Variants in FOCAD observed in about 807,000 individuals in gnomAD.
The protein encoded by FOCAD is KIAA1797.
Under a neutral mutation model 225.6 loss-of-function variants are expected in FOCAD, and 198 were observed. The observed-to-expected ratio is 0.88, with a 90% CI of 0.78 to 0.99. The LOEUF (loss-of-function observed/expected upper bound fraction) is 0.99, where lower values mean the gene tolerates loss of function less well. Ranked by LOEUF, FOCAD falls within the 50% of genes least tolerant of loss-of-function variation. The pLI, the probability that FOCAD is intolerant of heterozygous loss-of-function variation, is 0.00. For missense variants in FOCAD, 2,713 were observed against 2,123.6 expected (o/e 1.28, Z -5.46); for synonymous variants, 897 against 755.0 (o/e 1.19, Z -3.08).
At position 20,917,775 on chromosome 9, in the gene FOCAD, C is replaced by T. The variant is rs117906008; in HGVS notation, c.2852+838C>T. Among the ~76,000 whole-genome samples the T allele has an allele frequency of 4.0e-3, 616 of 152,240 alleles. 5 individuals carry two copies. The highest frequency in any genetic ancestry group is 6.1e-3 in the Non-Finnish European group (416 of 68,012). ...TTTCATGTCACAAAACCTTCTGTAGCTAAATAGATTTTGCCTTAAAAACAG... is the reference window on the plus strand; with the variant it reads ...TTTCATGTCACAAAACCTTCTGTAGTTAAATAGATTTTGCCTTAAAAACAG... On this transcript the variant is annotated intron_variant, in intron 24 of 43. Coordinates refer to ENST00000338382, the MANE Select transcript of FOCAD (RefSeq NM_001375567.1).
intron 15 of FOCAD, among the ~76,000 whole-genome samples, chr9:20,841,502 T>C (rs1310859779): frequency 6.6e-6 from 1 of 151,890 alleles, no homozygotes; most frequent in Non-Finnish European, 1.5e-5. Flanking sequence ...GGTATGTGTC[T>C]AAGAATTTAT....
chr9:20,987,740 C>G (rs1034683470), intron 40 of FOCAD, among the ~76,000 whole-genome samples: 1 of 152,156 alleles, frequency 6.6e-6, no homozygotes, highest in Non-Finnish European at 1.5e-5. Context: ...TTGGTTCCAA[C>G]CAGAACCAGC....
chr9:20,822,968 T>C (rs1824485497), intron 14 of FOCAD, 21 bp from the exon 15 acceptor site: 1 of 1,562,024 alleles, frequency 6.4e-7, no homozygotes, highest in Admixed American at 2.1e-5. Flanking sequence ...AATTTTGCTT[T>C]TAAACTTTCA....
intron 7 of FOCAD, among the ~76,000 whole-genome samples, chr9:20,767,093 C>T (rs558559013): frequency 0.022 from 3,252 of 150,216 alleles, 132 homozygotes; most frequent in African/African-American, 0.073. Context: ...TTTGTTCTTG[C>T]GATAGTTTAC....
intron 15 of FOCAD, among the ~76,000 whole-genome samples, chr9:20,852,240 T>G (rs575926486): frequency 1.6e-4 from 25 of 151,934 alleles, no homozygotes; most frequent in Middle Eastern, 3.4e-3. Context: ...CTAAAAAGTT[T>G]CCTTTTTCTT....
chr9:20,848,806 G>A lies in FOCAD; in HGVS notation c.1921-13772G>A, dbSNP rs1827369384. On this transcript the variant is annotated intron_variant, in intron 15 of 43. Transcript: ENST00000338382. ...CACTTTTGACATCTAATTGAATGAA[G>A]ACATGGCTGTACTGTAGTTTATGAA... 4.0e-5 allele frequency among the ~76,000 whole-genome samples: 6 copies of A among 151,868 alleles called. No homozygotes were observed. In the South Asian group the frequency reaches 1.0e-3, roughly 26 times the overall value.
chr9:20,856,567 T>C (rs13293139), intron 15 of FOCAD, among the ~76,000 whole-genome samples: 31,360 of 152,000 alleles, frequency 0.21, 3,694 homozygotes, highest in South Asian at 0.33. Context: ...ATTGTTTCCT[T>C]TGCTGTGCAG....
At chr9:20,950,176 G>T (rs1432059512) in intron 33 of FOCAD, among the ~76,000 whole-genome samples, 1 of 151,932 alleles carries the variant, frequency 6.6e-6, no homozygotes, top group South Asian at 2.1e-4. Context: ...AAATTTGAAA[G>T]CACGTAATGA....
In FOCAD at chr9:20,822,658, A is replaced by T. The variant is rs1248040269; in HGVS notation, c.1794-331A>T. Among the ~76,000 whole-genome samples the T allele has an allele frequency of 2.0e-5, 3 of 152,038 alleles. 1 individual carries two copies. Among genetic ancestry groups the T allele is most frequent in the African/African-American group, 7.2e-5 (3 of 41,406 alleles). ...GGCCAGAATAGCTCTATCTTTACTA[A>T]TCTCAATTAGGTAATTCAGTTCTTT... On this transcript the variant is annotated intron_variant, in intron 14 of 43. Transcript: ENST00000338382.
rs895293348 is a variant in FOCAD, at chr9:20,951,186, C to G, written c.4051+88C>G. 1.9e-5 allele frequency: 19 copies of G among 975,346 alleles called. No individual in the cohort carries two copies. The African/African-American group carries it at 2.7e-4, about 14-fold the overall frequency. The allele number at this position is 975,346 out of a possible 1,614,324, so 60.4% of individuals were successfully genotyped here. A position where few individuals can be genotyped will look rare whatever the true frequency, so the allele number is the denominator to read the frequency against. On this transcript the variant is annotated intron_variant, in intron 34 of 43. Coordinates refer to ENST00000338382, the MANE Select transcript of FOCAD (RefSeq NM_001375567.1). ...AGTTTGTTAAGAGCATTAATCTTCACAACAACCCTAAGTAATGGGTATTAC... is the reference window on the plus strand; with the variant it reads ...AGTTTGTTAAGAGCATTAATCTTCAGAACAACCCTAAGTAATGGGTATTAC...
intron 18 of FOCAD, among the ~76,000 whole-genome samples, chr9:20,871,021 G>C (rs1328716024): frequency 6.6e-6 from 1 of 152,076 alleles, no homozygotes; most frequent in African/African-American, 2.4e-5. Context: ...TGGCCAGCAA[G>C]GTGAAACCCC....
At chr9:20,971,696 T>C (rs1839782226) in intron 35 of FOCAD, among the ~76,000 whole-genome samples, 1 of 152,170 alleles carries the variant, frequency 6.6e-6, no homozygotes, top group Admixed American at 6.5e-5. Flanking sequence ...GAAACAGTTC[T>C]CCAGAACTTT....
At chr9:20,870,664 C>T in intron 18 of FOCAD, among the ~76,000 whole-genome samples, 1 of 152,196 alleles carries the variant, frequency 6.6e-6, no homozygotes, top group East Asian at 1.9e-4. Context: ...CACACTGAAT[C>T]ACAAGGGTAA....
At chr9:20,790,302 AG>A (rs1295346587) in intron 11 of FOCAD, among the ~76,000 whole-genome samples, 1 of 152,176 alleles carries the variant, frequency 6.6e-6, no homozygotes, top group African/African-American at 2.4e-5. Context: ...TTTCCTATAA[AG>A]GAAAGGTTTT....
chr9:20,957,708 G>A lies in FOCAD; in HGVS notation c.4132+4643G>A, dbSNP rs1370686031. On this transcript the variant is annotated intron_variant, in intron 35 of 43. Transcript: ENST00000338382. ...TTTTTTTTTTTTTTTTTTTTTAGTG[G>A]GGTTTTTCTATGTTGGCCAGGCTGG... 3 of 90,356 alleles carry A rather than the reference G, an allele frequency of 3.3e-5. No individual in the cohort carries two copies. The South Asian group carries it at 9.6e-4, about 29-fold the overall frequency. The allele number at this position is 90,356 out of a possible 1,614,324, so 5.6% of individuals were successfully genotyped here.
intron 1 of FOCAD, among the ~76,000 whole-genome samples, chr9:20,698,482 T>C (rs1262851625): frequency 6.6e-6 from 1 of 152,088 alleles, no homozygotes; most frequent in Non-Finnish European, 1.5e-5. Context: ...CTCACTGCAG[T>C]CTCGACCTCC....
intron 34 of FOCAD, among the ~76,000 whole-genome samples, chr9:20,951,527 G>A (rs747125317): frequency 8.5e-5 from 13 of 152,128 alleles, no homozygotes; most frequent in Non-Finnish European, 1.6e-4. Flanking sequence ...TAGATGTAAT[G>A]GTAGTTTGTA....
At position 20,946,707 on chromosome 9, in the gene FOCAD, G is replaced by T; in HGVS notation, c.3562G>T (p.Ala1188Ser). ...TGCTGTATTTTCTTCTCAGGTCCTTGCCTACACACTTAGCTGTGTATGTAC... is the reference window on the plus strand; with the variant it reads ...TGCTGTATTTTCTTCTCAGGTCCTTTCCTACACACTTAGCTGTGTATGTAC... Reference protein sequence around the residue: ...SQSRTFQEVLAYTLSCVCTSA... With the variant: ...SQSRTFQEVLSYTLSCVCTSA... Residue 1188 changes from alanine to serine, a missense_variant, in exon 30 of 44, where the codon GCC becomes TCC. Physicochemically the swap from Ala to Ser is moderately conservative, Grantham distance 99. Coordinates refer to ENST00000338382, the MANE Select transcript of FOCAD (RefSeq NM_001375567.1). The T allele has an allele frequency of 6.2e-7, 1 of 1,611,310 alleles. No homozygotes were observed. The highest frequency in any genetic ancestry group is 1.7e-5 in the Admixed American group (1 of 59,594).
At chr9:20,770,844 C>T (rs1818144174) in intron 8 of FOCAD, among the ~76,000 whole-genome samples, 1 of 152,156 alleles carries the variant, frequency 6.6e-6, no homozygotes, top group South Asian at 2.1e-4. Flanking sequence ...CTCTTCGGAT[C>T]ATCAATTAAA....
Sources: gnomAD v4.1 joint callset for allele counts (sites outside exome capture counted in the v4.1 genomes callset) on GRCh38, gnomAD v4.1.1 for gene constraint, MANE v1.5 for transcripts, NCBI Gene and HGNC (gene_info 2026-07-23, HGNC 2026-07-21) for gene names.